Variants in NEK1 observed in about 807,000 individuals in gnomAD.
NEK1 encodes serine/threonine-protein kinase Nek1.
A neutral mutation model predicts 182.1 loss-of-function variants in NEK1; 137 were observed. The ratio of observed to expected loss-of-function variants is 0.75; its 90% CI spans 0.65 to 0.87. The LOEUF (loss-of-function observed/expected upper bound fraction) is 0.87. Among genes scored for constraint, NEK1 ranks in the 40% least tolerant of loss-of-function variants. NEK1 has a pLI of 0.00. For missense variants in NEK1, 1,391 were observed against 1,494.4 expected, an observed-to-expected ratio of 0.93 and a Z score of 1.14; for synonymous variants, 513 against 492.2, an observed-to-expected ratio of 1.04 and a Z score of -0.56.
In NEK1 at chr4:169,505,559, C is replaced by A. The variant is rs140775069; in HGVS notation, c.2007+1478G>T. Among the ~76,000 whole-genome samples the A allele has an allele frequency of 4.2e-3, 646 of 152,286 alleles. 5 individuals are homozygous for A. Among genetic ancestry groups the A allele is most frequent in the African/African-American group, 0.014 (586 of 41,554 alleles). ...AGTAGGATATCAGTAGTAAAGACTA[C>A]GGGGAGTCAAAAGTCGTATGTGAAT... On this transcript the variant is annotated intron_variant, in intron 23 of 35. Coordinates refer to ENST00000507142, the MANE Select transcript of NEK1 (RefSeq NM_001199397.3).
chr4:169,575,755 G>A (rs1580892111), intron 12 of NEK1, among the ~76,000 whole-genome samples: 1 of 152,080 alleles, frequency 6.6e-6, no homozygotes, highest in South Asian at 2.1e-4. Context: ...TGGGGCCATC[G>A]AGTGAGCTAC....
At chr4:169,454,440 A>C (rs1314823147) in intron 27 of NEK1, among the ~76,000 whole-genome samples, 2 of 152,218 alleles carry the variant, frequency 1.3e-5, no homozygotes, top group Non-Finnish European at 1.5e-5. Flanking sequence ...CATCTGACAA[A>C]GGGCTAATAT....
intron 18 of NEK1, among the ~76,000 whole-genome samples, chr4:169,549,568 A>G (rs963467069): frequency 6.6e-6 from 1 of 151,966 alleles, no homozygotes; most frequent in African/African-American, 2.4e-5. Flanking sequence ...GATTACAGGC[A>G]TGCGCCACCA....
At chr4:169,447,370 G>C (rs1306515060) in intron 27 of NEK1, among the ~76,000 whole-genome samples, 1 of 152,062 alleles carries the variant, frequency 6.6e-6, no homozygotes, top group Non-Finnish European at 1.5e-5. Context: ...AAAGCTGAGG[G>C]ATTTCATCAA....
intron 31 of NEK1, among the ~76,000 whole-genome samples, chr4:169,410,889 A>G (rs1359446692): frequency 6.6e-6 from 1 of 152,204 alleles, no homozygotes; most frequent in African/African-American, 2.4e-5. Context: ...ACTATCCCCT[A>G]AAGTGAAGAA....
chr4:169,424,697 T>C lies in NEK1; in HGVS notation c.3078A>G (p.Leu1026=). The C allele has an allele frequency of 6.2e-7, 1 of 1,613,910 alleles. No homozygotes were observed. Among genetic ancestry groups the C allele is most frequent in the Non-Finnish European group, 8.5e-7 (1 of 1,179,850 alleles). The change falls in exon 31 of 36, where the codon TTA becomes TTG. Residue 1026 remains leucine, a synonymous_variant. Transcript: ENST00000507142. ...HKVVHSEHLN[L]VPQVQSVQCS... ...ACTGAACTGATTGAACTTGAGGGAC[T>C]AAGTTCAAGTGTTCAGAATGAACCA...
At chr4:169,402,652 T>G (rs1396192776) in intron 32 of NEK1, among the ~76,000 whole-genome samples, 2 of 152,176 alleles carry the variant, frequency 1.3e-5, no homozygotes, top group East Asian at 1.9e-4. Flanking sequence ...TTTTTAAACA[T>G]TTTTATCCTA....
At chr4:169,468,855 A>G (rs1745406290) in intron 26 of NEK1, among the ~76,000 whole-genome samples, 1 of 152,246 alleles carries the variant, frequency 6.6e-6, no homozygotes, top group East Asian at 1.9e-4. Context: ...GGGAGGGTGT[A>G]TATGTCCAGG....
intron 31 of NEK1, among the ~76,000 whole-genome samples, chr4:169,408,566 A>G (rs570451209): frequency 6.6e-6 from 1 of 152,286 alleles, no homozygotes; most frequent in African/African-American, 2.4e-5. Context: ...TGGTGCACGC[A>G]ACACCCGAGC....
intron 27 of NEK1, among the ~76,000 whole-genome samples, chr4:169,459,968 G>C (rs954740224): frequency 1.3e-5 from 2 of 152,116 alleles, no homozygotes; most frequent in African/African-American, 4.8e-5. Flanking sequence ...TTATACATTT[G>C]TCAAAACCCA....
chr4:169,464,253 C>T (rs971328153), intron 26 of NEK1, among the ~76,000 whole-genome samples: 3 of 152,146 alleles, frequency 2.0e-5, no homozygotes, highest in African/African-American at 7.2e-5. Context: ...ACAGTATTAT[C>T]ACCAGAATAC....
In NEK1 at chr4:169,602,601, A is replaced by T. The variant is rs1341393549; in HGVS notation, c.30T>A (p.Ile10=). Residue 10 remains isoleucine (I), a synonymous_variant, in exon 3 of 36, where the codon ATT becomes ATA. Coordinates refer to ENST00000507142, the MANE Select transcript of NEK1 (RefSeq NM_001199397.3). The part of the protein sequence containing the change: MEKYVRLQK[I]GEGSFGKAIL... ...TGGCTTTTCCAAATGAACCTTCTCCAATCTTCTGTAGTCTAACATACTTCT... is the reference window on the plus strand; with the variant it reads ...TGGCTTTTCCAAATGAACCTTCTCCTATCTTCTGTAGTCTAACATACTTCT... The T allele has an allele frequency of 1.2e-6, 2 of 1,605,834 alleles. No homozygotes were observed. Among genetic ancestry groups the T allele is most frequent in the African/African-American group, 2.7e-5 (2 of 74,824 alleles).
intron 31 of NEK1, among the ~76,000 whole-genome samples, chr4:169,417,920 A>G (rs1432418078): frequency 2.0e-5 from 3 of 152,230 alleles, no homozygotes; most frequent in Admixed American, 6.5e-5. Flanking sequence ...ATCAAAGTCC[A>G]GGGAGGTAGA....
At chr4:169,512,156 G>A (rs1352539051) in intron 19 of NEK1, among the ~76,000 whole-genome samples, 1 of 152,024 alleles carries the variant, frequency 6.6e-6, no homozygotes, top group Non-Finnish European at 1.5e-5. Context: ...GCTGGTTCTT[G>A]GTATGAAGTC....
At chr4:169,515,355 T>A (rs1208018465) in intron 19 of NEK1, among the ~76,000 whole-genome samples, 1 of 152,172 alleles carries the variant, frequency 6.6e-6, no homozygotes, top group Non-Finnish European at 1.5e-5. Flanking sequence ...GTCTAGTAGT[T>A]CTATCAATTG....
At chr4:169,560,785 CTT>C (rs559468393) in intron 16 of NEK1, among the ~76,000 whole-genome samples, 4 of 143,270 alleles carry the variant, frequency 2.8e-5, no homozygotes, top group African/African-American at 2.6e-5. Context: ...GGAAAAAAAA[CTT>C]TTTTTTTTTT....
intron 12 of NEK1, among the ~76,000 whole-genome samples, chr4:169,567,419 G>A (rs889631232): frequency 7.4e-6 from 1 of 134,906 alleles, no homozygotes; most frequent in African/African-American, 3.0e-5. Context: ...TTTTTTTTTT[G>A]AGACACAGTC....
rs1733648192 is a variant in NEK1 at position 169,392,956 on chromosome 4, A to G, written c.*1554T>C. On this transcript the variant is annotated 3_prime_UTR_variant, in exon 36 of 36. Transcript: ENST00000507142. ...CTCCAGAGTCACACACTGCTAATCG[A>G]CTGGAGATGGCACAAATCTTATTGA... 6.6e-6 allele frequency: 1 copy of G among 152,184 alleles called. No homozygotes were observed. Among genetic ancestry groups the G allele is most frequent in the African/African-American group, 2.4e-5 (1 of 41,438 alleles). The allele number at this position is 152,184 out of a possible 1,614,324, so 9.4% of individuals were successfully genotyped here. A position where few individuals can be genotyped will look rare whatever the true frequency, so the allele number is the denominator to read the frequency against.
chr4:169,566,544 A>T (rs889329918), intron 12 of NEK1, among the ~76,000 whole-genome samples: 1 of 149,550 alleles, frequency 6.7e-6, no homozygotes, highest in Non-Finnish European at 1.5e-5. Flanking sequence ...CAGAGCCTTT[A>T]AAAAAAAACC....
Sources: gnomAD v4.1 joint callset for allele counts (sites outside exome capture counted in the v4.1 genomes callset) on GRCh38, gnomAD v4.1.1 for gene constraint, MANE v1.5 for transcripts, NCBI Gene and HGNC (gene_info 2026-07-23, HGNC 2026-07-21) for gene names.